PLD5: variants seen among roughly 807,000 people sequenced by gnomAD.
PLD5 encodes the protein phospholipase D family member 5.
A neutral mutation model predicts 61.1 loss-of-function variants in PLD5; 36 were observed. The observed-to-expected ratio is 0.59, with a 90% CI of 0.45 to 0.78. The LOEUF (loss-of-function observed/expected upper bound fraction) is 0.78. Ranked by LOEUF, PLD5 falls within the 30% of genes least tolerant of loss-of-function variation. The pLI is 0.00. For missense variants in PLD5, 515 were observed against 644.4 expected (o/e 0.80, Z 2.17); for synonymous variants, 243 against 242.8 (o/e 1.00, Z -0.01).
intron 5 of PLD5, among the ~76,000 whole-genome samples, chr1:242,198,701 CAAAAAAAA>C (rs10603005): frequency 6.4e-4 from 33 of 51,568 alleles, no homozygotes; most frequent in African/African-American, 1.8e-3. Flanking sequence ...AAGTCCTTAG[CAAAAAAAA>C]AAAAAAAAAA....
At chr1:242,272,097 A>G (rs370905090) in intron 3 of PLD5, among the ~76,000 whole-genome samples, 16 of 152,344 alleles carry the variant, frequency 1.1e-4, no homozygotes, top group East Asian at 5.8e-4. Flanking sequence ...CTGATCTACA[A>G]TCAACAGGAT....
At chr1:242,462,407 G>A (rs1667145787) in intron 1 of PLD5, among the ~76,000 whole-genome samples, 3 of 152,056 alleles carry the variant, frequency 2.0e-5, no homozygotes, top group African/African-American at 7.2e-5. Context: ...TTCTAAGTGG[G>A]AGCTAAACAC....
Position 242,335,077 on chromosome 1 carries a change from C to A in PLD5, c.326+13029G>T, listed in dbSNP as rs151044464. Among the ~76,000 whole-genome samples the A allele has an allele frequency of 3.2e-3, 480 of 151,982 alleles. 5 individuals are homozygous for A. Among genetic ancestry groups the A allele is most frequent in the African/African-American group, 0.011 (465 of 41,470 alleles). ...CAGTTTTTATTTTATTTCTGTGAGA[C>A]CCCATCCACATGCATATGAAATAAA... On this transcript the variant is annotated intron_variant, in intron 2 of 9. Transcript: ENST00000536534.
rs574462172 is a variant in PLD5 at position 242,179,649 on chromosome 1, T to G, written c.735+40339A>C. ...CAGGCACAGTGGCTCACGTCTGTAATCCCAGCATTTTGGGAGGCCGAGGCG... is the reference window on the plus strand; with the variant it reads ...CAGGCACAGTGGCTCACGTCTGTAAGCCCAGCATTTTGGGAGGCCGAGGCG... On this transcript the variant is annotated intron_variant, in intron 5 of 9. Coordinates refer to ENST00000536534, the MANE Select transcript of PLD5 (RefSeq NM_001372062.1). 2.0e-5 allele frequency among the ~76,000 whole-genome samples: 3 copies of G among 152,282 alleles called. No homozygotes were observed. The South Asian group carries it at 6.2e-4, about 32-fold the overall frequency.
At chr1:242,292,819 G>C (rs1675443050) in intron 2 of PLD5, among the ~76,000 whole-genome samples, 1 of 152,258 alleles carries the variant, frequency 6.6e-6, no homozygotes, top group South Asian at 2.1e-4. Context: ...TTGTCATTTT[G>C]TGAATATGTA....
At chr1:242,267,512 G>A (rs1673758539) in intron 3 of PLD5, among the ~76,000 whole-genome samples, 1 of 152,152 alleles carries the variant, frequency 6.6e-6, no homozygotes, top group Admixed American at 6.5e-5. Flanking sequence ...TACTCCAAAA[G>A]CCTGGAGGAA....
intron 1 of PLD5, among the ~76,000 whole-genome samples, chr1:242,367,221 A>C (rs1661394670): frequency 6.6e-6 from 1 of 152,200 alleles, no homozygotes; most frequent in Non-Finnish European, 1.5e-5. Flanking sequence ...ATGGACAAGA[A>C]ATTTTAAAGA....
intron 1 of PLD5, among the ~76,000 whole-genome samples, chr1:242,431,522 G>C (rs61845898): frequency 6.6e-6 from 1 of 152,096 alleles, no homozygotes; most frequent in Admixed American, 6.6e-5. Flanking sequence ...TGCATGTGAC[G>C]CTTGCTCTTG....
At chr1:242,364,684 C>T (rs1460777113) in intron 1 of PLD5, among the ~76,000 whole-genome samples, 4 of 151,892 alleles carry the variant, frequency 2.6e-5, no homozygotes, top group Admixed American at 2.6e-4. Context: ...CCACTGCACT[C>T]CAGCCTGGTT....
At position 242,250,109 on chromosome 1, in the gene PLD5, G is replaced by A. The variant is rs552396654; in HGVS notation, c.607+15228C>T. ...GTTGTTAAACCCTTCTAAATCTCCT[G>A]ATTTTAAATTCAGTCACTTGCCACA... is the stretch of plus-strand genomic sequence containing the variant. On this transcript the variant is annotated intron_variant, in intron 4 of 9. Coordinates refer to ENST00000536534, the MANE Select transcript of PLD5 (RefSeq NM_001372062.1). Among the ~76,000 whole-genome samples, 5 of 152,262 alleles carry A rather than the reference G, an allele frequency of 3.3e-5. No individual in the cohort carries two copies. The South Asian group carries it at 8.3e-4, about 25-fold the overall frequency.
chr1:242,422,481 C>T (rs1461853822), intron 1 of PLD5, among the ~76,000 whole-genome samples: 1 of 152,162 alleles, frequency 6.6e-6, no homozygotes, highest in Non-Finnish European at 1.5e-5. Context: ...TCAAAGTGTT[C>T]TTCAAATACA....
chr1:242,387,318 G>C (rs1340742864), intron 1 of PLD5, among the ~76,000 whole-genome samples: 1 of 152,144 alleles, frequency 6.6e-6, no homozygotes, highest in Non-Finnish European at 1.5e-5. Flanking sequence ...GATTAATAAT[G>C]TGAGATTTTC....
chr1:242,170,346 G>A (rs570293050), intron 5 of PLD5, among the ~76,000 whole-genome samples: 2 of 152,190 alleles, frequency 1.3e-5, no homozygotes, highest in Non-Finnish European at 2.9e-5. Context: ...AGAGGGGCCT[G>A]TTAGAAGGAA....
chr1:242,191,623 A>G (rs1419217618), intron 5 of PLD5, among the ~76,000 whole-genome samples: 1 of 151,982 alleles, frequency 6.6e-6, no homozygotes, highest in Non-Finnish European at 1.5e-5. Flanking sequence ...AGAGGAAAAA[A>G]CTCTGCAGAA....
intron 1 of PLD5, among the ~76,000 whole-genome samples, chr1:242,398,437 C>T (rs1663728219): frequency 6.6e-6 from 1 of 152,224 alleles, no homozygotes; most frequent in African/African-American, 2.4e-5. Context: ...TATGATCACT[C>T]AGCCTATGGC....
At chr1:242,158,789 T>A (rs541376925) in intron 5 of PLD5, among the ~76,000 whole-genome samples, 4 of 152,070 alleles carry the variant, frequency 2.6e-5, no homozygotes, top group Admixed American at 6.5e-5. Context: ...TCCTATTTTT[T>A]CTTTGTCCTT....
intron 2 of PLD5, among the ~76,000 whole-genome samples, chr1:242,309,862 T>C (rs1676594467): frequency 2.6e-5 from 1 of 38,358 alleles, no homozygotes; most frequent in Non-Finnish European, 8.8e-5. Context: ...AAATAATTTA[T>C]TGAGTTTTTT....
chr1:242,352,715 T>G (rs1297507333), intron 1 of PLD5, among the ~76,000 whole-genome samples: 1 of 152,196 alleles, frequency 6.6e-6, no homozygotes, highest in Admixed American at 6.5e-5. Context: ...GCTGGTCTTT[T>G]GTCCTTTTGA....
At chr1:242,235,811 A>C (rs1671603006) in intron 4 of PLD5, 1 of 152,024 alleles carries the variant, frequency 6.6e-6, no homozygotes. Context: ...TGTTGTTAAC[A>C]GAAGGCTTTG....
Sources: allele counts gnomAD v4.1 joint callset (sites outside exome capture counted in the v4.1 genomes callset), GRCh38; gene constraint gnomAD v4.1.1; transcripts MANE v1.5; gene names NCBI Gene and HGNC (gene_info 2026-07-23, HGNC 2026-07-21).